Variants in TRMT9B observed in about 807,000 individuals in gnomAD.
TRMT9B encodes the protein tRNA methyltransferase 9B (putative).
In TRMT9B, 16 loss-of-function variants were observed where a neutral mutation model predicts 11.5. That is an observed-to-expected ratio of 1.39 (90% confidence interval 0.94 to 2.11). The LOEUF (loss-of-function observed/expected upper bound fraction) is 2.11, where lower values mean the gene tolerates loss of function less well. TRMT9B is among the 30% of genes most tolerant of loss of function. The probability of loss-of-function intolerance (pLI) is 0.00; values close to 1 mark genes in which losing one functional copy is unlikely to be tolerated. For synonymous variants in TRMT9B, 274 were observed against 192.4 expected (o/e 1.42, Z -3.51); for missense variants, 941 against 553.8 (o/e 1.70, Z -7.02).
intron 1 of TRMT9B, among the ~76,000 whole-genome samples, chr8:12,982,858 T>C (rs996081486): frequency 3.3e-5 from 5 of 152,174 alleles, no homozygotes; most frequent in African/African-American, 1.2e-4. Context: ...GGACACATGA[T>C]TTCTTCAGCT....
At chr8:12,968,388 T>C (rs947696941) in intron 1 of TRMT9B, among the ~76,000 whole-genome samples, 3 of 152,188 alleles carry the variant, frequency 2.0e-5, no homozygotes, top group Admixed American at 2.0e-4. Context: ...TTGGTTGGAA[T>C]TGCTGTAAAA....
Position 13,012,855 on chromosome 8 carries a change from G to C in TRMT9B, c.326G>C (p.Gly109Ala). The C allele has an allele frequency of 1.2e-6, 2 of 1,613,560 alleles. No homozygotes were observed. Among genetic ancestry groups the C allele is most frequent in the Non-Finnish European group, 1.7e-6 (2 of 1,179,748 alleles). The part of the protein sequence containing the change: ...DEGFDAIISI[G>A]VIHHFSTKQR... ...GGCTTCGATGCCATCATCTCCATAG[G>C]AGGTAAGGCAGCCAGATCACACATT... is the stretch of plus-strand genomic sequence containing the variant. Residue 109 changes from glycine to alanine, a missense_variant and splice_region_variant, in exon 4 of 5, where the codon GGA (glycine) becomes GCA (alanine). Coordinates refer to ENST00000524591, the MANE Select transcript of TRMT9B (RefSeq NM_020844.3).
intron 1 of TRMT9B, among the ~76,000 whole-genome samples, chr8:12,976,686 GT>G (rs2128870980): frequency 6.6e-6 from 1 of 152,278 alleles, no homozygotes; most frequent in Admixed American, 6.5e-5. Context: ...TAAAAGGCCC[GT>G]TCACAAAGTG....
At chr8:13,019,292 A>T (rs982326257) in intron 4 of TRMT9B, among the ~76,000 whole-genome samples, 4 of 152,154 alleles carry the variant, frequency 2.6e-5, no homozygotes, top group African/African-American at 9.7e-5. Context: ...GAGTGTGTAT[A>T]TATAGATACA....
At chr8:12,965,323 AG>A (rs1279438240) in intron 1 of TRMT9B, among the ~76,000 whole-genome samples, 7 of 152,334 alleles carry the variant, frequency 4.6e-5, no homozygotes, top group African/African-American at 1.7e-4. Context: ...TCAGTTGGAA[AG>A]AAACAGAGCT....
intron 1 of TRMT9B, among the ~76,000 whole-genome samples, chr8:12,985,727 C>G (rs1241477169): frequency 1.3e-5 from 2 of 152,130 alleles, no homozygotes; most frequent in Non-Finnish European, 2.9e-5. Flanking sequence ...TCCTCTAATG[C>G]TGACATCTAT....
chr8:13,004,059 G>C (rs1425997184), intron 2 of TRMT9B, among the ~76,000 whole-genome samples: 1 of 151,892 alleles, frequency 6.6e-6, no homozygotes, highest in Non-Finnish European at 1.5e-5. Flanking sequence ...ACAGTAGAAA[G>C]CAAAGCCATG....
chr8:13,010,882 C>T (rs1264725890), intron 3 of TRMT9B: 1 of 967,916 alleles, frequency 1.0e-6, no homozygotes, highest in East Asian at 1.1e-4. Flanking sequence ...GGTACTTTTT[C>T]TCATAATCAT....
At chr8:12,954,017 G>A (rs1364889887) in intron 1 of TRMT9B, among the ~76,000 whole-genome samples, 2 of 152,280 alleles carry the variant, frequency 1.3e-5, no homozygotes, top group East Asian at 1.9e-4. Flanking sequence ...CTTTTTGCGT[G>A]TATATCTTAA....
intron 4 of TRMT9B, among the ~76,000 whole-genome samples, chr8:13,016,318 G>T (rs1264293373): frequency 1.4e-5 from 2 of 144,280 alleles, no homozygotes; most frequent in Non-Finnish European, 3.0e-5. Flanking sequence ...AGGCATAAGA[G>T]AGATAGTCTA....
At chr8:12,987,155 C>T (rs1467705871) in intron 1 of TRMT9B, among the ~76,000 whole-genome samples, 1 of 152,202 alleles carries the variant, frequency 6.6e-6, no homozygotes, top group African/African-American at 2.4e-5. Context: ...TATCTGGGTT[C>T]AAATCCTGGC....
chr8:12,993,274 G>C (rs888216107), intron 2 of TRMT9B, among the ~76,000 whole-genome samples: 1 of 152,146 alleles, frequency 6.6e-6, no homozygotes, highest in African/African-American at 2.4e-5. Flanking sequence ...TATCCAATGA[G>C]GTTGTATAGA....
intron 2 of TRMT9B, among the ~76,000 whole-genome samples, chr8:13,003,633 G>A (rs139154079): frequency 0.014 from 2,054 of 151,726 alleles, 18 homozygotes; most frequent in Non-Finnish European, 0.02. Flanking sequence ...AGATCGGAAA[G>A]AGCCTTATGT....
chr8:12,952,347 C>G, intron 1 of TRMT9B: 1 of 325,380 alleles, frequency 3.1e-6, no homozygotes, highest in Non-Finnish European at 6.3e-6. Flanking sequence ...GCGCCCGGGT[C>G]TGGCCGCCTG....
At chr8:12,966,354 G>A (rs1320217981) in intron 1 of TRMT9B, among the ~76,000 whole-genome samples, 1 of 152,088 alleles carries the variant, frequency 6.6e-6, no homozygotes, top group Non-Finnish European at 1.5e-5. Context: ...CAGACACTTT[G>A]TTAACCCCGG....
intron 3 of TRMT9B, chr8:13,010,279 A>T: frequency 1.1e-6 from 1 of 909,684 alleles, no homozygotes; most frequent in Non-Finnish European, 1.3e-6. Context: ...TATTCAATAA[A>T]TAGGGTCATA....
chr8:12,996,508 C>G (rs952637229), intron 2 of TRMT9B, among the ~76,000 whole-genome samples: 1 of 152,194 alleles, frequency 6.6e-6, no homozygotes, highest in Non-Finnish European at 1.5e-5. Flanking sequence ...AATGGGGATA[C>G]TGCTTTGACA....
intron 4 of TRMT9B, among the ~76,000 whole-genome samples, chr8:13,018,352 A>G (rs1813179526): frequency 6.9e-6 from 1 of 145,262 alleles, no homozygotes; most frequent in Middle Eastern, 3.2e-3. Context: ...CAGCAAGCTG[A>G]GATGGAGCCA....
At chr8:13,015,862 C>T (rs1812552686) in intron 4 of TRMT9B, among the ~76,000 whole-genome samples, 1 of 152,026 alleles carries the variant, frequency 6.6e-6, no homozygotes, top group South Asian at 2.1e-4. Flanking sequence ...AAAAATGCTT[C>T]CTTGAGTGGA....
Sources: allele counts gnomAD v4.1 joint callset (sites outside exome capture counted in the v4.1 genomes callset), GRCh38; gene constraint gnomAD v4.1.1; transcripts MANE v1.5; gene names NCBI Gene and HGNC (gene_info 2026-07-23, HGNC 2026-07-21).